Variants in ITGB8 observed in about 807,000 individuals in gnomAD.
ITGB8 encodes integrin beta-8.
In ITGB8, 30 loss-of-function variants were observed where a neutral mutation model predicts 89.5. That is an observed-to-expected ratio of 0.34 (90% CI 0.25 to 0.45). The LOEUF (loss-of-function observed/expected upper bound fraction) is 0.45. ITGB8 is among the 20% of genes least tolerant of loss of function. The pLI is 1.00. For missense variants in ITGB8, 836 were observed against 933.3 expected (o/e 0.90, Z 1.36); for synonymous variants, 335 against 320.4 (o/e 1.05, Z -0.49).
At chr7:20,360,777 G>A (rs1011208197) in intron 1 of ITGB8, among the ~76,000 whole-genome samples, 4 of 151,948 alleles carry the variant, frequency 2.6e-5, no homozygotes, top group African/African-American at 9.7e-5. Flanking sequence ...GATTCCATAT[G>A]TTTGCCATTG....
At chr7:20,336,069 G>C (rs1284110774) in intron 1 of ITGB8, among the ~76,000 whole-genome samples, 2 of 142,072 alleles carry the variant, frequency 1.4e-5, no homozygotes, top group Non-Finnish European at 3.0e-5. Flanking sequence ...GCAGTGGTGC[G>C]ATCTCGGCCC....
intron 12 of ITGB8, among the ~76,000 whole-genome samples, chr7:20,406,681 CACTT>C (rs922314392): frequency 7.2e-5 from 11 of 152,060 alleles, no homozygotes; most frequent in African/African-American, 2.4e-4. Flanking sequence ...TTCACTGGCT[CACTT>C]AATGTCATAC....
intron 6 of ITGB8, among the ~76,000 whole-genome samples, chr7:20,386,249 T>TA (rs1786611831): frequency 6.6e-6 from 1 of 150,990 alleles, no homozygotes; most frequent in African/African-American, 2.4e-5. Context: ...GAACATTTTT[T>TA]TTTTTTTGAG....
At chr7:20,374,303 AT>A (rs917911186) in intron 3 of ITGB8, among the ~76,000 whole-genome samples, 5 of 152,230 alleles carry the variant, frequency 3.3e-5, no homozygotes, top group African/African-American at 1.2e-4. Context: ...GTTATAAAAC[AT>A]TTATGGGGGA....
At chr7:20,372,337 T>C (rs1324028820) in intron 3 of ITGB8, among the ~76,000 whole-genome samples, 1 of 152,174 alleles carries the variant, frequency 6.6e-6, no homozygotes. Flanking sequence ...TTCAGTGCTG[T>C]AGACAAGCAA....
chr7:20,379,024 C>T (rs769353854), intron 3 of ITGB8, 27 bp from the exon 4 acceptor site: 1 of 1,541,792 alleles, frequency 6.5e-7, no homozygotes, highest in South Asian at 1.3e-5. Flanking sequence ...ATGAAGACTA[C>T]ATGATGTTTT....
At chr7:20,363,238 G>C (rs1355152438) in intron 1 of ITGB8, among the ~76,000 whole-genome samples, 2 of 152,062 alleles carry the variant, frequency 1.3e-5, no homozygotes, top group Non-Finnish European at 2.9e-5. Context: ...AATTTTTGTA[G>C]GAAAAACTCT....
At chr7:20,370,601 TTA>T (rs1785893710) in intron 3 of ITGB8, among the ~76,000 whole-genome samples, 7 of 13,004 alleles carry the variant, frequency 5.4e-4, no homozygotes, top group South Asian at 1.6e-3. Flanking sequence ...ATTTACTTAT[TTA>T]TTATTATTAT....
At chr7:20,353,043 A>G (rs978804980) in intron 1 of ITGB8, 3 of 152,344 alleles carry the variant, frequency 2.0e-5, no homozygotes, top group South Asian at 2.1e-4. Flanking sequence ...TGGCTTCACA[A>G]TGGTTCTTCT....
intron 2 of ITGB8, chr7:20,364,806 A>C (rs1201210300): frequency 6.6e-6 from 1 of 152,270 alleles, no homozygotes. Flanking sequence ...TCGTCTCTAT[A>C]ACCTCAAATT....
intron 1 of ITGB8, among the ~76,000 whole-genome samples, chr7:20,353,950 A>AAAAAAAAAAAAAC (rs1785202618): frequency 6.6e-6 from 1 of 150,510 alleles, no homozygotes; most frequent in Non-Finnish European, 1.5e-5. Context: ...AAAAAAAAAA[A>AAAAAAAAAAAAAC]AAAAAAGAAA....
At chr7:20,355,171 T>TA (rs1332123091) in intron 1 of ITGB8, among the ~76,000 whole-genome samples, 1 of 152,184 alleles carries the variant, frequency 6.6e-6, no homozygotes, top group African/African-American at 2.4e-5. Context: ...CTCCTCCCCG[T>TA]ACCAGGCTGC....
At position 20,404,724 on chromosome 7, in the gene ITGB8, A is replaced by G; in HGVS notation, c.1784A>G (p.Asn595Ser). 6.2e-7 allele frequency: 1 copy of G among 1,614,148 alleles called. No individual in the cohort carries two copies. Among genetic ancestry groups the G allele is most frequent in the Non-Finnish European group, 8.5e-7 (1 of 1,180,004 alleles). The change falls in exon 11 of 14, where the codon AAT (asparagine) becomes AGT (serine). Residue 595 changes from asparagine to serine, a missense_variant. Physicochemically the swap from Asn to Ser is conservative, Grantham distance 46. Coordinates refer to ENST00000222573, the MANE Select transcript of ITGB8 (RefSeq NM_002214.3). ...CPSAAAQHCV[N>S]SKGQVCSGRG... ...TCAGCAGCAGCCCAGCACTGTGTCA[A>G]TTCAAAGGGCCAAGTGTGCAGTGGA...
At chr7:20,353,413 T>G (rs1270106418) in intron 1 of ITGB8, 2 of 152,112 alleles carry the variant, frequency 1.3e-5, no homozygotes, top group African/African-American at 4.8e-5. Context: ...TACAAGAAAA[T>G]TCTGCTCAGT....
rs2127990897 is a variant in ITGB8, at chr7:20,413,621, G to C, written c.*3624G>C. 6.6e-6 allele frequency: 1 copy of C among 151,948 alleles called. No homozygotes were observed. Among genetic ancestry groups the C allele is most frequent in the Middle Eastern group, 3.4e-3 (1 of 294 alleles). 9.4% of individuals were successfully genotyped at this position (151,948 alleles called of 1,614,324 possible). A position where few individuals can be genotyped will look rare whatever the true frequency, so the allele number is the denominator to read the frequency against. On this transcript the variant is annotated 3_prime_UTR_variant, in exon 14 of 14. Coordinates refer to ENST00000222573, the MANE Select transcript of ITGB8 (RefSeq NM_002214.3). ...TAGTGAAAAATAACTGAATTTAATG[G>C]TATAATGAAGTTCTTCATTTCCAGA...
chr7:20,381,041 C>A (rs1786357739), intron 5 of ITGB8: 1 of 474,386 alleles, frequency 2.1e-6, no homozygotes, highest in Non-Finnish European at 3.7e-6. Context: ...TAGGAAAAGA[C>A]AAAAGGGAAA....
Position 20,409,826 on chromosome 7 carries a change from T to A in ITGB8, c.2187+48T>A, listed in dbSNP as rs141025562. Reference sequence around the variant, plus strand: ...CTGCTAACAGTATGTTATTGCCTAGTTACAATATTTAGGCCCTTAGTTAAT... The same window carrying A: ...CTGCTAACAGTATGTTATTGCCTAGATACAATATTTAGGCCCTTAGTTAAT... On this transcript the variant is annotated intron_variant, in intron 13 of 13. Coordinates refer to ENST00000222573, the MANE Select transcript of ITGB8 (RefSeq NM_002214.3). 3.8e-4 allele frequency: 609 copies of A among 1,606,532 alleles called. 2 individuals carry two copies. In the African/African-American group the frequency reaches 7.4e-3, roughly 19 times the overall value.
At chr7:20,345,111 A>G (rs1784879504) in intron 1 of ITGB8, among the ~76,000 whole-genome samples, 1 of 152,212 alleles carries the variant, frequency 6.6e-6, no homozygotes. Flanking sequence ...ATAATTAGGA[A>G]GGTCTCACTG....
At chr7:20,356,550 G>A (rs182384807) in intron 1 of ITGB8, among the ~76,000 whole-genome samples, 100 of 152,100 alleles carry the variant, frequency 6.6e-4, no homozygotes, top group African/African-American at 2.1e-3. Flanking sequence ...AGCTTTATAC[G>A]GTTATTCAAA....
Sources: gnomAD v4.1 joint callset for allele counts (sites outside exome capture counted in the v4.1 genomes callset) on GRCh38, gnomAD v4.1.1 for gene constraint, MANE v1.5 for transcripts, NCBI Gene and HGNC (gene_info 2026-07-23, HGNC 2026-07-21) for gene names.